Variants in COLEC12 observed in about 807,000 individuals in gnomAD.
COLEC12 encodes collectin-12.
Under a neutral mutation model 71.1 loss-of-function variants are expected in COLEC12, and 33 were observed. That is an observed-to-expected ratio of 0.46 (90% CI 0.35 to 0.62). The LOEUF is 0.62. Among genes scored for constraint, COLEC12 ranks in the 20% least tolerant of loss-of-function variants. COLEC12 has a pLI of 0.00. For synonymous variants in COLEC12, 350 were observed against 353.0 expected, an observed-to-expected ratio of 0.99 and a Z score of 0.10; for missense variants, 765 against 916.1, an observed-to-expected ratio of 0.84 and a Z score of 2.13.
intron 2 of COLEC12, among the ~76,000 whole-genome samples, chr18:381,588 T>C (rs1339397427): frequency 6.6e-6 from 1 of 152,214 alleles, no homozygotes; most frequent in Non-Finnish European, 1.5e-5. Context: ...CAACCAAAAT[T>C]TTAAGTGTAT....
At chr18:489,779 G>A (rs1451639246) in intron 1 of COLEC12, among the ~76,000 whole-genome samples, 2 of 152,082 alleles carry the variant, frequency 1.3e-5, no homozygotes, top group African/African-American at 4.8e-5. Flanking sequence ...TAGAAAGGTG[G>A]ACAGGAACAG....
intron 2 of COLEC12, among the ~76,000 whole-genome samples, chr18:462,529 G>A (rs1010589304): frequency 6.6e-6 from 1 of 152,162 alleles, no homozygotes; most frequent in African/African-American, 2.4e-5. Flanking sequence ...GGGAGTTGGA[G>A]GGAAATGAAA....
chr18:410,746 T>C (rs548065174), intron 2 of COLEC12, among the ~76,000 whole-genome samples: 3 of 151,634 alleles, frequency 2.0e-5, no homozygotes, highest in African/African-American at 7.3e-5. Context: ...CCTAGACTTA[T>C]AGTGAAGAAG....
chr18:368,018 G>A (rs1432359194), intron 2 of COLEC12, among the ~76,000 whole-genome samples: 1 of 151,916 alleles, frequency 6.6e-6, no homozygotes, highest in East Asian at 1.9e-4. Context: ...GGAAGTCAAA[G>A]CAATGAAACT....
chr18:374,927 GAC>G (rs1915080720), intron 2 of COLEC12, among the ~76,000 whole-genome samples: 1 of 152,170 alleles, frequency 6.6e-6, no homozygotes, highest in Non-Finnish European at 1.5e-5. Context: ...GAGGAGGCTG[GAC>G]ACAGATACAT....
intron 5 of COLEC12, among the ~76,000 whole-genome samples, chr18:340,080 A>AAAAC (rs1211796862): frequency 6.6e-6 from 1 of 151,228 alleles, no homozygotes; most frequent in African/African-American, 2.4e-5. Context: ...AAAGCAAAAA[A>AAAAC]AAAAAAAAAA....
rs1917796400 is a variant in COLEC12 at position 500,322 on chromosome 18, C to A, written c.7+186G>T. Among the ~76,000 whole-genome samples the A allele has an allele frequency of 6.6e-6, 1 of 152,130 alleles. No homozygotes were observed. The highest frequency in any genetic ancestry group is 1.5e-5 in the Non-Finnish European group (1 of 67,990). ...AAAACCCCAACCTCGAGGTCTCCAG[C>A]CGCGCCTGACCCGGGAGCCGGGTGC... On this transcript the variant is annotated intron_variant, in intron 1 of 9. Coordinates refer to ENST00000400256, the MANE Select transcript of COLEC12 (RefSeq NM_130386.3). This position sits in a 1 kb window ranked among gnomAD's most constrained non-coding sequence, Gnocchi z 5.3.
At chr18:368,728 TGG>T (rs1567886696) in intron 2 of COLEC12, among the ~76,000 whole-genome samples, 1 of 151,760 alleles carries the variant, frequency 6.6e-6, no homozygotes, top group African/African-American at 2.4e-5. Flanking sequence ...TAGCCGGGCG[TGG>T]TGGCGGGCGC....
rs1273594801 is a variant in COLEC12 at position 443,305 on chromosome 18, C to A, written c.58+37402G>T. On this transcript the variant is annotated intron_variant, in intron 2 of 9. Coordinates refer to ENST00000400256, the MANE Select transcript of COLEC12 (RefSeq NM_130386.3). ...AGATTGGAGTTATTGTTCAAAATCT[C>A]CAAATCTGGAAAAATTGATACATCC... 4.6e-5 allele frequency among the ~76,000 whole-genome samples: 7 copies of A among 152,166 alleles called. No homozygotes were observed. The East Asian group carries it at 1.3e-3, about 29-fold the overall frequency.
intron 2 of COLEC12, among the ~76,000 whole-genome samples, chr18:372,468 A>T (rs1001548013): frequency 6.6e-6 from 1 of 152,094 alleles, no homozygotes; most frequent in African/African-American, 2.4e-5. Flanking sequence ...CCCAGGCTAG[A>T]GTGCAGTGGC....
chr18:341,303 C>T (rs1914247196), intron 5 of COLEC12, among the ~76,000 whole-genome samples: 2 of 152,222 alleles, frequency 1.3e-5, no homozygotes, highest in Admixed American at 1.3e-4. Flanking sequence ...TACTCAGGCT[C>T]TCTGCGTCTC....
At position 399,841 on chromosome 18, in the gene COLEC12, A is replaced by G. The variant is rs1915645011; in HGVS notation, c.59-42319T>C. On this transcript the variant is annotated intron_variant, in intron 2 of 9. Transcript: ENST00000400256. The surrounding 1 kb of genome is among the most constrained non-coding windows in gnomAD (Gnocchi z 4.0). Reference sequence around the variant, plus strand: ...GAGGACTATGCTGGTGCACTTGGCAAATTTATTTTCATCTGCTTCACAGTT... The same window carrying G: ...GAGGACTATGCTGGTGCACTTGGCAGATTTATTTTCATCTGCTTCACAGTT... Among the ~76,000 whole-genome samples, 1 of 152,098 alleles carries G rather than the reference A, an allele frequency of 6.6e-6. No individual in the cohort carries two copies. The highest frequency in any genetic ancestry group is 1.5e-5 in the Non-Finnish European group (1 of 68,004).
intron 2 of COLEC12, among the ~76,000 whole-genome samples, chr18:445,984 T>C (rs1376376778): frequency 6.6e-6 from 1 of 152,150 alleles, no homozygotes; most frequent in African/African-American, 2.4e-5. Context: ...TTCATATAAA[T>C]GGAATCATAA....
intron 2 of COLEC12, among the ~76,000 whole-genome samples, chr18:449,379 G>A (rs561268708): frequency 2.0e-5 from 3 of 152,238 alleles, no homozygotes; most frequent in South Asian, 2.1e-4. Flanking sequence ...TAAACTAGTC[G>A]CTCTAAAATA....
chr18:352,559 A>T (rs1055655651), intron 3 of COLEC12, among the ~76,000 whole-genome samples: 1 of 152,214 alleles, frequency 6.6e-6, no homozygotes, highest in African/African-American at 2.4e-5. Flanking sequence ...CAGCAAAAGG[A>T]AACTATTTTC....
intron 2 of COLEC12, among the ~76,000 whole-genome samples, chr18:407,826 A>C (rs1054853654): frequency 6.6e-6 from 1 of 152,268 alleles, no homozygotes; most frequent in African/African-American, 2.4e-5. Flanking sequence ...GCAATGTATC[A>C]ATCCTGGCTG....
chr18:484,673 T>G (rs752239719), intron 1 of COLEC12, among the ~76,000 whole-genome samples: 2 of 152,174 alleles, frequency 1.3e-5, no homozygotes, highest in Non-Finnish European at 2.9e-5. Context: ...CACCAGAGAC[T>G]GTGAGATATG....
rs1914365015 is a variant in COLEC12, at chr18:346,156, C to T, written c.1327+139G>A. The T allele has an allele frequency of 1.5e-6, 1 of 659,746 alleles. No homozygotes were observed. Among genetic ancestry groups the T allele is most frequent in the Non-Finnish European group, 2.6e-6 (1 of 389,738 alleles). The allele number at this position is 659,746 out of a possible 1,614,324, so 40.9% of individuals were successfully genotyped here. Reference sequence around the variant, plus strand: ...AAAACAGTGAGTCAGGACCATCTAGCTAAGCTGCTCTTGAATTCCTGGTCC... The same window carrying T: ...AAAACAGTGAGTCAGGACCATCTAGTTAAGCTGCTCTTGAATTCCTGGTCC... On this transcript the variant is annotated intron_variant, in intron 5 of 9. Coordinates refer to ENST00000400256, the MANE Select transcript of COLEC12 (RefSeq NM_130386.3). The surrounding 1 kb of genome is among the most constrained non-coding windows in gnomAD (Gnocchi z 4.0).
chr18:396,598 TACC>T (rs1203406541), intron 2 of COLEC12, among the ~76,000 whole-genome samples: 1 of 152,260 alleles, frequency 6.6e-6, no homozygotes, highest in African/African-American at 2.4e-5. Context: ...TGCCAAAATT[TACC>T]ACAAGGCCCT....
Sources: gnomAD v4.1 joint callset for allele counts (sites outside exome capture counted in the v4.1 genomes callset) on GRCh38, gnomAD v4.1.1 for gene constraint, Gnocchi (gnomAD v3.1) non-coding constraint, MANE v1.5 for transcripts, NCBI Gene and HGNC (gene_info 2026-07-23, HGNC 2026-07-21) for gene names.